Variants in PCDH9 observed in about 807,000 individuals in gnomAD.
PCDH9 encodes the protein protocadherin 9, also known as protocadherin-9.
A neutral mutation model predicts 70.6 loss-of-function variants in PCDH9; 24 were observed. The ratio of observed to expected loss-of-function variants is 0.34; its 90% confidence interval spans 0.25 to 0.48. The LOEUF (loss-of-function observed/expected upper bound fraction) is 0.48. Ranked by LOEUF, PCDH9 falls within the 20% of genes least tolerant of loss-of-function variation. The pLI is 0.99. For synonymous variants in PCDH9, 562 were observed against 558.5 expected (o/e 1.01, Z -0.09); for missense variants, 1,281 against 1,503.6 (o/e 0.85, Z 2.45).
rs149850819 is a variant in PCDH9, at chr13:66,527,638, C to T, written c.3340+103572G>A. 2.6e-5 allele frequency among the ~76,000 whole-genome samples: 4 copies of T among 152,070 alleles called. No individual in the cohort carries two copies. In the East Asian group the frequency reaches 7.7e-4, roughly 29 times the overall value. ...GGAAAAGTGCTTACCTTTAAAAATA[C>T]TTAAATATGACTTGACACAGTGGCC... On this transcript the variant is annotated intron_variant, in intron 4 of 4. Coordinates refer to ENST00000377865, the MANE Select transcript of PCDH9 (RefSeq NM_203487.3).
At chr13:66,779,856 TATATATATATAC>T (rs1302939424) in intron 3 of PCDH9, among the ~76,000 whole-genome samples, 1 of 61,144 alleles carries the variant, frequency 1.6e-5, no homozygotes, top group East Asian at 4.7e-4. Context: ...TCTCTATATA[TATATATATATAC>T]ATATATGTGT....
chr13:66,958,097 A>T (rs1309547632), intron 2 of PCDH9, among the ~76,000 whole-genome samples: 1 of 152,222 alleles, frequency 6.6e-6, no homozygotes, highest in Non-Finnish European at 1.5e-5. Context: ...AGGTATGTTC[A>T]AGATGAAGAG....
At position 67,159,043 on chromosome 13, in the gene PCDH9, A is replaced by C. The variant is rs145033596; in HGVS notation, c.3036+66362T>G. Among the ~76,000 whole-genome samples, 132 of 152,324 alleles carry C rather than the reference A, an allele frequency of 8.7e-4. 1 individual carries two copies. Among genetic ancestry groups the C allele is most frequent in the Non-Finnish European group, 1.2e-3 (85 of 68,032 alleles). ...CCCAGTGTCACTATCTTTAATCTTC[A>C]AAAGAACCATAAAAGGAGATGCTAT... is the stretch of plus-strand genomic sequence containing the variant. On this transcript the variant is annotated intron_variant, in intron 2 of 4. Coordinates refer to ENST00000377865, the MANE Select transcript of PCDH9 (RefSeq NM_203487.3).
intron 2 of PCDH9, among the ~76,000 whole-genome samples, chr13:67,190,470 T>C (rs1196085127): frequency 2.6e-5 from 4 of 152,044 alleles, no homozygotes; most frequent in Non-Finnish European, 4.4e-5. Context: ...TTTTGTTTTG[T>C]TTATAATTAA....
intron 4 of PCDH9, among the ~76,000 whole-genome samples, chr13:66,608,156 GTT>G: frequency 6.7e-6 from 1 of 148,570 alleles, no homozygotes; most frequent in Non-Finnish European, 1.5e-5. Context: ...AGATATATGT[GTT>G]TGTGTGTGTG....
At chr13:66,824,662 AT>A (rs2080780097) in intron 3 of PCDH9, among the ~76,000 whole-genome samples, 1 of 36,646 alleles carries the variant, frequency 2.7e-5, no homozygotes, top group Non-Finnish European at 6.8e-5. Context: ...ATATATATAT[AT>A]ATATATATAT....
At chr13:67,026,795 G>A (rs1442532913) in intron 2 of PCDH9, among the ~76,000 whole-genome samples, 1 of 151,504 alleles carries the variant, frequency 6.6e-6, no homozygotes, top group Admixed American at 6.6e-5. Context: ...GCCAAATCAT[G>A]AGTGAACTCC....
At chr13:66,419,339 G>T (rs1957520879) in intron 4 of PCDH9, among the ~76,000 whole-genome samples, 1 of 151,892 alleles carries the variant, frequency 6.6e-6, no homozygotes, top group African/African-American at 2.4e-5. Flanking sequence ...ACATTAAAAA[G>T]GTTATCCATG....
intron 4 of PCDH9, among the ~76,000 whole-genome samples, chr13:66,599,596 G>C (rs1488714469): frequency 1.3e-5 from 2 of 149,800 alleles, no homozygotes. Flanking sequence ...ACCCAGGCTA[G>C]AGTGCAGTGG....
At chr13:66,587,145 A>C in intron 4 of PCDH9, among the ~76,000 whole-genome samples, 1 of 151,944 alleles carries the variant, frequency 6.6e-6, no homozygotes, top group East Asian at 1.9e-4. Context: ...AAAATATTTG[A>C]AAATTAGCTG....
chr13:66,754,239 C>T (rs2079505895), intron 3 of PCDH9, among the ~76,000 whole-genome samples: 1 of 151,810 alleles, frequency 6.6e-6, no homozygotes, highest in Admixed American at 6.6e-5. Flanking sequence ...GGGTGGAGGG[C>T]AAGTGGAGGA....
intron 4 of PCDH9, among the ~76,000 whole-genome samples, chr13:66,604,521 A>G (rs2077199311): frequency 6.6e-6 from 1 of 151,970 alleles, no homozygotes; most frequent in Non-Finnish European, 1.5e-5. Flanking sequence ...ATTATTAATG[A>G]TTCATTTTTT....
chr13:67,024,292 C>A (rs929491351), intron 2 of PCDH9, among the ~76,000 whole-genome samples: 3 of 152,024 alleles, frequency 2.0e-5, no homozygotes, highest in Admixed American at 6.6e-5. Flanking sequence ...TACTAAAAAG[C>A]AAACATTTGT....
Position 66,374,003 on chromosome 13 carries a change from C to T in PCDH9, c.3341-68975G>A, listed in dbSNP as rs1459461405. Among the ~76,000 whole-genome samples, 6 of 152,006 alleles carry T rather than the reference C, an allele frequency of 3.9e-5. 1 individual carries two copies. The highest frequency in any genetic ancestry group is 6.3e-3 in the Middle Eastern group (2 of 316). Reference sequence around the variant, plus strand: ...AAAGGCAAATATTATTATCATCTGCCGACCTCCTTGATGGGTTTTGTGTAA... The same window carrying T: ...AAAGGCAAATATTATTATCATCTGCTGACCTCCTTGATGGGTTTTGTGTAA... On this transcript the variant is annotated intron_variant, in intron 4 of 4. Coordinates refer to ENST00000377865, the MANE Select transcript of PCDH9 (RefSeq NM_203487.3).
At chr13:66,877,183 G>C (rs2081828933) in intron 3 of PCDH9, among the ~76,000 whole-genome samples, 1 of 151,706 alleles carries the variant, frequency 6.6e-6, no homozygotes, top group African/African-American at 2.4e-5. Context: ...TCTAATACTA[G>C]ACATGGTCTT....
In PCDH9 at chr13:66,699,035, C is replaced by G. The variant is rs1249769800; in HGVS notation, c.3139-67624G>C. ...ATTCAAGCGATTCTCCCACCTCAGC[C>G]TCCGGAGTAGCTGAAATTACAGGCA... On this transcript the variant is annotated intron_variant, in intron 3 of 4. Coordinates refer to ENST00000377865, the MANE Select transcript of PCDH9 (RefSeq NM_203487.3). 2.6e-5 allele frequency among the ~76,000 whole-genome samples: 4 copies of G among 151,506 alleles called. No individual in the cohort carries two copies. In the East Asian group the frequency reaches 7.8e-4, roughly 29 times the overall value.
At chr13:67,006,787 A>T (rs1299673910) in intron 2 of PCDH9, among the ~76,000 whole-genome samples, 1 of 152,162 alleles carries the variant, frequency 6.6e-6, no homozygotes, top group African/African-American at 2.4e-5. Context: ...GATCTAATAT[A>T]TAGCTATATA....
intron 4 of PCDH9, among the ~76,000 whole-genome samples, chr13:66,400,744 GT>G (rs999920940): frequency 1.2e-4 from 18 of 152,032 alleles, no homozygotes; most frequent in Middle Eastern, 3.4e-3. Context: ...AAAATGCACA[GT>G]TTTTTTTAAC....
rs112327892 is a variant in PCDH9, at chr13:66,757,470, A to G, written c.3139-126059T>C. On this transcript the variant is annotated intron_variant, in intron 3 of 4. Transcript: ENST00000377865. ...TAGGTCCAGCTTTACTTAATTTACCATCATTGGGTTTTTACTTTCATTTAT... is the reference window on the plus strand; with the variant it reads ...TAGGTCCAGCTTTACTTAATTTACCGTCATTGGGTTTTTACTTTCATTTAT... Among the ~76,000 whole-genome samples, 263 of 152,240 alleles carry G rather than the reference A, an allele frequency of 1.7e-3. 1 individual carries two copies. Among genetic ancestry groups the G allele is most frequent in the Non-Finnish European group, 1.5e-3 (100 of 68,000 alleles).
Sources: allele counts gnomAD v4.1 joint callset (sites outside exome capture counted in the v4.1 genomes callset), GRCh38; gene constraint gnomAD v4.1.1; transcripts MANE v1.5; gene names NCBI Gene and HGNC (gene_info 2026-07-23, HGNC 2026-07-21).